The following SH2D6 variants were observed in gnomAD, a reference collection of about 807,000 sequenced individuals.
The protein encoded by SH2D6 is SH2 domain-containing protein 6.
SH2D6 carries 31 observed loss-of-function variants against 30.2 expected under a neutral mutation model. The ratio of observed to expected loss-of-function variants is 1.03; its 90% confidence interval spans 0.77 to 1.38. The LOEUF is 1.38. Among genes scored for constraint, SH2D6 ranks in the 40% most tolerant of loss-of-function variants. The pLI, the probability that SH2D6 is intolerant of heterozygous loss-of-function variation, is 0.00. For missense variants in SH2D6, 240 were observed against 266.8 expected (o/e 0.90, Z 0.70); for synonymous variants, 93 against 104.6 (o/e 0.89, Z 0.68).
rs1054938199 is a variant in SH2D6 at position 85,435,200 on chromosome 2, T to G, written c.648+77T>G. ...TGAGAGTCCTTACCCAGGAACCCTC[T>G]TGGGCTGAAGGGTGCACCACTGCAA... On this transcript the variant is annotated intron_variant, in intron 20 of 23. Transcript: ENST00000469800. The G allele has an allele frequency of 2.0e-6, 3 of 1,473,704 alleles. 1 individual carries two copies. The allele number at this position is 1,473,704 out of a possible 1,614,324, so 91.3% of individuals were successfully genotyped here. A position where few individuals can be genotyped will look rare whatever the true frequency, so the allele number is the denominator to read the frequency against.
At chr2:85,431,864 A>C (rs1340687098) in intron 13 of SH2D6, 35 bp from the exon 14 acceptor site, 1 of 152,580 alleles carries the variant, frequency 6.6e-6, no homozygotes, top group East Asian at 1.9e-4. Flanking sequence ...TCCTGCTCTC[A>C]CCATCTGCGC....
chr2:85,425,823 A>G (rs1687996923), intron 6 of SH2D6, among the ~76,000 whole-genome samples: 1 of 152,050 alleles, frequency 6.6e-6, no homozygotes, highest in African/African-American at 2.4e-5. Flanking sequence ...GCCTCTGGAA[A>G]CAGGATTTGG....
rs1183924841 is a variant in SH2D6 at position 85,436,472 on chromosome 2, T to C, written c.898T>C (p.Ser300Pro). 2 of 1,613,508 alleles carry C rather than the reference T, an allele frequency of 1.2e-6. No individual in the cohort carries two copies. The highest frequency in any genetic ancestry group is 2.2e-5 in the South Asian group (2 of 91,072). Reference sequence around the variant, plus strand: ...GCCCTGCCTCCCTGGCCAGCTCTTCTCCTCCGTGGCGGCCATGGTCCAGCA... The same window carrying C: ...GCCCTGCCTCCCTGGCCAGCTCTTCCCCTCCGTGGCGGCCATGGTCCAGCA... Reference protein sequence around the residue: ...REGRNREELFSSVAAMVQHFM... With the variant: ...REGRNREELFPSVAAMVQHFM... Residue 300 changes from serine (S) to proline (P), a missense_variant, in exon 23 of 24, where the codon TCC (serine) becomes CCC (proline). By Grantham distance (74) the Ser-to-Pro change is moderately conservative (BLOSUM62 -1). Coordinates refer to ENST00000469800, the MANE Select transcript of SH2D6 (RefSeq NM_001394463.1).
At chr2:85,434,807 T>C in intron 19 of SH2D6, 3 of 1,454,572 alleles carry the variant, frequency 2.1e-6, no homozygotes, top group Non-Finnish European at 2.7e-6. Context: ...CATTTTCCGG[T>C]GCCTGCACCA....
In SH2D6 at chr2:85,435,157, G is replaced by C. The variant is rs911520037; in HGVS notation, c.648+34G>C. 3.1e-6 allele frequency: 5 copies of C among 1,597,886 alleles called. No individual in the cohort carries two copies. The African/African-American group carries it at 5.4e-5, about 17-fold the overall frequency. The stretch of plus-strand genomic sequence containing the variant: ...GGGCTGGGAGCAGGCTGTAGGGAGA[G>C]GTTCCGGGAGCAGAGCCTGAGAGTC... On this transcript the variant is annotated intron_variant, in intron 20 of 23. Coordinates refer to ENST00000469800, the MANE Select transcript of SH2D6 (RefSeq NM_001394463.1).
At chr2:85,422,956 C>T (rs986099298) in intron 5 of SH2D6, among the ~76,000 whole-genome samples, 6 of 152,296 alleles carry the variant, frequency 3.9e-5, no homozygotes, top group African/African-American at 1.4e-4. Flanking sequence ...GGCACGATCT[C>T]GGCTCACTGC....
rs1689529841 is a variant in SH2D6, at chr2:85,437,008, C to G, written c.*184C>G. Reference sequence around the variant, plus strand: ...GGCCTACCTTGCACAAGTTCACATTCAATAAACATTTGTTGAATGAATTAT... The same window carrying G: ...GGCCTACCTTGCACAAGTTCACATTGAATAAACATTTGTTGAATGAATTAT... On this transcript the variant is annotated 3_prime_UTR_variant, in exon 24 of 24. Coordinates refer to ENST00000469800, the MANE Select transcript of SH2D6 (RefSeq NM_001394463.1). The G allele has an allele frequency of 5.9e-6, 1 of 168,204 alleles. No individual in the cohort carries two copies. The highest frequency in any genetic ancestry group is 1.3e-5 in the Non-Finnish European group (1 of 77,908). 10.4% of individuals were successfully genotyped at this position (168,204 alleles called of 1,614,324 possible). A position where few individuals can be genotyped will look rare whatever the true frequency, so the allele number is the denominator to read the frequency against.
chr2:85,429,841 C>T (rs1056073391), intron 9 of SH2D6, 140 bp from the exon 10 acceptor site: 8 of 153,318 alleles, frequency 5.2e-5, no homozygotes, highest in African/African-American at 1.9e-4. Flanking sequence ...CAGCTCTGCC[C>T]CCAGCCTCCT....
chr2:85,433,077 G>C, intron 14 of SH2D6, 22 bp from the exon 15 acceptor site: 1 of 985,948 alleles, frequency 1.0e-6, no homozygotes, highest in Non-Finnish European at 1.2e-6. Context: ...CATGACAGGT[G>C]GTTCTCTCCT....
At chr2:85,425,896 G>T (rs1169331677) in intron 6 of SH2D6, among the ~76,000 whole-genome samples, 1 of 152,190 alleles carries the variant, frequency 6.6e-6, no homozygotes, top group African/African-American at 2.4e-5. Context: ...AGTCTGGCAC[G>T]GGGCCTCTGG....
intron 2 of SH2D6, among the ~76,000 whole-genome samples, chr2:85,420,122 T>C (rs1687692952): frequency 2.0e-5 from 3 of 152,146 alleles, no homozygotes; most frequent in South Asian, 4.1e-4. Context: ...GTTTGTTTCC[T>C]GAGACAGAGT....
intron 20 of SH2D6, 87 bp downstream of exon 20, chr2:85,435,210 G>T: frequency 7.0e-7 from 1 of 1,424,028 alleles, no homozygotes; most frequent in South Asian, 1.2e-5. Flanking sequence ...TTGGGCTGAA[G>T]GGTGCACCAC....
chr2:85,432,380 TATTTA>T (rs1307279742), intron 14 of SH2D6, among the ~76,000 whole-genome samples: 4 of 130,724 alleles, frequency 3.1e-5, no homozygotes, highest in Admixed American at 7.2e-5. Flanking sequence ...TATTTTTATT[TATTTA>T]TTTTTTTTGT....
At chr2:85,423,051 C>T (rs1687801934) in intron 5 of SH2D6, among the ~76,000 whole-genome samples, 1 of 152,082 alleles carries the variant, frequency 6.6e-6, no homozygotes, top group Admixed American at 6.5e-5. Flanking sequence ...CCACGTCTGG[C>T]TAATTTTTGT....
chr2:85,434,259 C>T, intron 17 of SH2D6, 81 bp from the exon 18 acceptor site: 3 of 1,514,186 alleles, frequency 2.0e-6, no homozygotes, highest in Non-Finnish European at 2.7e-6. Context: ...GCAGGGGCAG[C>T]TTGGAATGCT....
chr2:85,424,448 A>T (rs1022965233), intron 5 of SH2D6, among the ~76,000 whole-genome samples: 4 of 151,984 alleles, frequency 2.6e-5, no homozygotes, highest in African/African-American at 7.3e-5. Context: ...GGATTTTTTT[A>T]AATTATAAAA....
chr2:85,426,760 C>T (rs1410629879), intron 6 of SH2D6, among the ~76,000 whole-genome samples: 1 of 152,228 alleles, frequency 6.6e-6, no homozygotes, highest in Non-Finnish European at 1.5e-5. Flanking sequence ...GCTGCTGCTC[C>T]AGCAAATTAA....
chr2:85,435,746 G>C lies in SH2D6; in HGVS notation c.813G>C (p.Arg271=), dbSNP rs377066605. The change falls in exon 22 of 24, where the codon CGG becomes CGC. Residue 271 remains arginine (R), a synonymous_variant. Coordinates refer to ENST00000469800, the MANE Select transcript of SH2D6 (RefSeq NM_001394463.1). ...PFTLAVLLRG[R]VFNIPIRRLD... ...CCCTGGCAGTGCTTCTCCGAGGCCG[G>C]GTCTTCAACATTCCCATCCGGCGGC... 4 of 1,612,446 alleles carry C rather than the reference G, an allele frequency of 2.5e-6. No homozygotes were observed. Among genetic ancestry groups the C allele is most frequent in the Non-Finnish European group, 1.7e-6 (2 of 1,179,466 alleles).
intron 7 of SH2D6, 123 bp downstream of exon 7, chr2:85,428,820 G>A (rs1688286743): frequency 6.6e-6 from 1 of 152,086 alleles, no homozygotes; most frequent in Non-Finnish European, 1.5e-5. Flanking sequence ...TAGTACTTGC[G>A]GCATGACGTT....
Sources: allele counts gnomAD v4.1 joint callset (sites outside exome capture counted in the v4.1 genomes callset), GRCh38; gene constraint gnomAD v4.1.1; transcripts MANE v1.5; gene names NCBI Gene and HGNC (gene_info 2026-07-23, HGNC 2026-07-21).